Variants in PTPRN2 observed in about 807,000 individuals in gnomAD.
PTPRN2 encodes receptor-type tyrosine-protein phosphatase N2.
In PTPRN2, 74 loss-of-function variants were observed where a neutral mutation model predicts 118.8. That is an observed-to-expected ratio of 0.62 (90% CI 0.52 to 0.76). The LOEUF (loss-of-function observed/expected upper bound fraction) is 0.76, where lower values mean the gene tolerates loss of function less well. PTPRN2 is among the 30% of genes least tolerant of loss of function. The pLI, the probability that PTPRN2 is intolerant of heterozygous loss-of-function variation, is 0.00. For missense variants in PTPRN2, 1,481 were observed against 1,394.4 expected, an observed-to-expected ratio of 1.06 and a Z score of -0.99; for synonymous variants, 641 against 608.0, an observed-to-expected ratio of 1.05 and a Z score of -0.80.
intron 12 of PTPRN2, among the ~76,000 whole-genome samples, chr7:157,699,868 C>T (rs1187883874): frequency 3.9e-5 from 6 of 152,204 alleles, no homozygotes; most frequent in Non-Finnish European, 2.9e-5. Flanking sequence ...CGCATGTCCT[C>T]GGTCAGTGCG....
chr7:157,717,944 G>T (rs200694347), intron 12 of PTPRN2, among the ~76,000 whole-genome samples: 1 of 152,240 alleles, frequency 6.6e-6, no homozygotes, highest in Non-Finnish European at 1.5e-5. Context: ...TGAAACATGC[G>T]CAGCCATTTC....
At chr7:157,884,308 G>C (rs918844899) in intron 12 of PTPRN2, among the ~76,000 whole-genome samples, 3 of 152,214 alleles carry the variant, frequency 2.0e-5, no homozygotes, top group African/African-American at 7.2e-5. Flanking sequence ...TTGAGAAACT[G>C]AAGATATAGG....
At chr7:157,620,162 C>T (rs1563270774) in intron 15 of PTPRN2, among the ~76,000 whole-genome samples, 1 of 152,178 alleles carries the variant, frequency 6.6e-6, no homozygotes, top group African/African-American at 2.4e-5. Flanking sequence ...AAACTCTGGT[C>T]AGGAACATAT....
At chr7:158,080,853 CCG>C (rs1213516495) in intron 11 of PTPRN2, among the ~76,000 whole-genome samples, 1 of 152,210 alleles carries the variant, frequency 6.6e-6, no homozygotes, top group Non-Finnish European at 1.5e-5. Context: ...TCTCTGCCCA[CCG>C]CAGTCGGGAG....
chr7:157,659,087 C>G (rs1795749904), intron 13 of PTPRN2, among the ~76,000 whole-genome samples: 1 of 151,768 alleles, frequency 6.6e-6, no homozygotes, highest in East Asian at 2.0e-4. Flanking sequence ...GTCTGCCAAG[C>G]CCACCGGCAC....
At chr7:157,985,463 C>A (rs563905629) in intron 11 of PTPRN2, among the ~76,000 whole-genome samples, 1 of 152,164 alleles carries the variant, frequency 6.6e-6, no homozygotes, top group African/African-American at 2.4e-5. Context: ...GACCTCATTA[C>A]CAGAATTTGT....
At chr7:158,203,793 A>G (rs1826867494) in intron 4 of PTPRN2, among the ~76,000 whole-genome samples, 1 of 152,228 alleles carries the variant, frequency 6.6e-6, no homozygotes, top group Non-Finnish European at 1.5e-5. Context: ...TAGAAATTCA[A>G]CACAGCTCAA....
At chr7:158,203,527 C>T (rs1826834843) in intron 4 of PTPRN2, among the ~76,000 whole-genome samples, 2 of 152,088 alleles carry the variant, frequency 1.3e-5, no homozygotes, top group African/African-American at 4.8e-5. Context: ...GGCAGGTCCT[C>T]CCTGGATTGT....
rs576941453 is a variant in PTPRN2, at chr7:157,845,001, A to T, written c.1788+53672T>A. ...ACTGGTTTTCCAGCAAACCCTACAG[A>T]TCGGTTGGGATCCACCTGGTGACAC... On this transcript the variant is annotated intron_variant, in intron 12 of 22. Transcript: ENST00000389418. This position sits in a 1 kb window ranked among gnomAD's most constrained non-coding sequence, Gnocchi z 4.5. Among the ~76,000 whole-genome samples the T allele has an allele frequency of 6.6e-6, 1 of 152,016 alleles. No homozygotes were observed. Among genetic ancestry groups the T allele is most frequent in the South Asian group, 2.1e-4 (1 of 4,818 alleles).
intron 8 of PTPRN2, 105 bp downstream of exon 8, chr7:158,136,550 C>CT: frequency 1.9e-6 from 2 of 1,069,580 alleles, no homozygotes; most frequent in African/African-American, 1.8e-5. Context: ...CCATAATTTT[C>CT]TGGGAAAAAA....
At chr7:158,211,415 G>A (rs570424081) in intron 3 of PTPRN2, among the ~76,000 whole-genome samples, 1 of 152,216 alleles carries the variant, frequency 6.6e-6, no homozygotes, top group South Asian at 2.1e-4. Flanking sequence ...TCAACAAAGT[G>A]AAGAGATACC....
intron 12 of PTPRN2, among the ~76,000 whole-genome samples, chr7:157,848,308 G>C (rs1329523356): frequency 6.7e-6 from 1 of 148,480 alleles, no homozygotes; most frequent in African/African-American, 2.5e-5. Flanking sequence ...GTGTGTGCCT[G>C]ATGTTTACAG....
At chr7:158,368,671 T>C (rs1586482545) in intron 2 of PTPRN2, among the ~76,000 whole-genome samples, 2 of 152,050 alleles carry the variant, frequency 1.3e-5, no homozygotes, top group African/African-American at 4.8e-5. Context: ...GCTGGGGGGC[T>C]CCCCAGGGAG....
chr7:158,339,872 C>G (rs1324761989), intron 2 of PTPRN2, among the ~76,000 whole-genome samples: 1 of 114,026 alleles, frequency 8.8e-6, no homozygotes, highest in East Asian at 2.9e-4. Context: ...CACTCACACC[C>G]ACAGTCTCAC....
rs1457558017 is a variant in PTPRN2, at chr7:157,808,652, T to C, written c.1788+90021A>G. ...ATAATTATTTAATTATATATTACAA[T>C]GTAATAATAACACAAATTAAGTGCA... On this transcript the variant is annotated intron_variant, in intron 12 of 22. Transcript: ENST00000389418. This position sits in a 1 kb window ranked among gnomAD's most constrained non-coding sequence, Gnocchi z 5.0. Among the ~76,000 whole-genome samples, 1 of 152,186 alleles carries C rather than the reference T, an allele frequency of 6.6e-6. No individual in the cohort carries two copies.
chr7:158,487,789 G>C (rs762698055), intron 2 of PTPRN2, among the ~76,000 whole-genome samples: 5 of 151,996 alleles, frequency 3.3e-5, no homozygotes, highest in African/African-American at 1.2e-4. Flanking sequence ...ATCGCTCCCC[G>C]TCAGCCTCGC....
At position 157,831,471 on chromosome 7, in the gene PTPRN2, C is replaced by T. The variant is rs1215564741; in HGVS notation, c.1788+67202G>A. Among the ~76,000 whole-genome samples, 1 of 152,176 alleles carries T rather than the reference C, an allele frequency of 6.6e-6. No individual in the cohort carries two copies. The highest frequency in any genetic ancestry group is 1.5e-5 in the Non-Finnish European group (1 of 68,008). ...GGGTGCATTTGGAGTTGCCCTGGGGCTGGGGCTGGGAGACGGAGCTGCCCT... is the reference window on the plus strand; with the variant it reads ...GGGTGCATTTGGAGTTGCCCTGGGGTTGGGGCTGGGAGACGGAGCTGCCCT... On this transcript the variant is annotated intron_variant, in intron 12 of 22. Coordinates refer to ENST00000389418, the MANE Select transcript of PTPRN2 (RefSeq NM_002847.5). The surrounding 1 kb of genome is among the most constrained non-coding windows in gnomAD (Gnocchi z 4.8).
chr7:158,316,967 C>T (rs375738934), intron 2 of PTPRN2, 35 bp from the exon 3 acceptor site: 62 of 1,510,922 alleles, frequency 4.1e-5, no homozygotes, highest in Non-Finnish European at 5.2e-5. Flanking sequence ...CAGAACGAGA[C>T]GTTTCATTTT....
At chr7:157,855,025 G>A (rs575728172) in intron 12 of PTPRN2, 1 of 172,044 alleles carries the variant, frequency 5.8e-6, no homozygotes, top group Non-Finnish European at 1.3e-5. Context: ...GCTGGATCAG[G>A]GAGGCTGGCT....
Sources: allele counts gnomAD v4.1 joint callset (sites outside exome capture counted in the v4.1 genomes callset), GRCh38; gene constraint gnomAD v4.1.1; non-coding constraint Gnocchi (gnomAD v3.1); transcripts MANE v1.5; gene names NCBI Gene and HGNC (gene_info 2026-07-23, HGNC 2026-07-21).